Variants in AVEN observed in about 807,000 individuals in gnomAD.
The protein encoded by AVEN is cell death regulator Aven.
Under a neutral mutation model 38.1 loss-of-function variants are expected in AVEN, and 41 were observed. That is an observed-to-expected ratio of 1.08 (90% CI 0.84 to 1.40). AVEN has a LOEUF of 1.40. Ranked by LOEUF, AVEN falls within the 40% of genes most tolerant of loss-of-function variation. The pLI is 0.00. For missense variants in AVEN, 605 were observed against 438.8 expected, an observed-to-expected ratio of 1.38 and a Z score of -3.38; for synonymous variants, 206 against 171.8, an observed-to-expected ratio of 1.20 and a Z score of -1.56.
At chr15:33,853,327 T>C in the AVEN span, among the ~76,000 whole-genome samples, 2 of 152,206 alleles carry the variant, frequency 1.3e-5, no homozygotes, top group Non-Finnish European at 2.9e-5. Flanking sequence ...GTAGATGTTT[T>C]CTCCCCTGCA....
chr15:34,056,007 C>A (rs1900132870), intron 5 of AVEN, among the ~76,000 whole-genome samples: 1 of 152,048 alleles, frequency 6.6e-6, no homozygotes, highest in Non-Finnish European at 1.5e-5. Flanking sequence ...TGTGAGCCAC[C>A]ACACCCAGCC....
intron 5 of AVEN, among the ~76,000 whole-genome samples, chr15:34,053,721 A>G (rs1410554571): frequency 6.6e-6 from 1 of 152,188 alleles, no homozygotes; most frequent in Non-Finnish European, 1.5e-5. Flanking sequence ...AAAACTATAA[A>G]AACTCTAGAA....
At chr15:33,924,830 A>G (rs561844299) in intron 2 of AVEN, among the ~76,000 whole-genome samples, 3 of 152,350 alleles carry the variant, frequency 2.0e-5, no homozygotes, top group Admixed American at 2.0e-4. Context: ...TTGAAGAAAG[A>G]CATAGGTAAT....
intron 2 of AVEN, among the ~76,000 whole-genome samples, chr15:33,913,782 A>T (rs377270014): frequency 2.0e-5 from 3 of 152,342 alleles, no homozygotes; most frequent in African/African-American, 7.2e-5. Context: ...ACCACTTCTC[A>T]TTATACAAGA....
chr15:33,962,883 G>C (rs609097), intron 2 of AVEN, among the ~76,000 whole-genome samples: 140,409 of 145,840 alleles, frequency 0.96, 67,730 homozygotes, highest in Non-Finnish European at 1. Context: ...TCGCGCCACT[G>C]CACTCCAGCC....
At chr15:33,871,953 T>A (rs9302283) in intron 3 of AVEN, among the ~76,000 whole-genome samples, 10,243 of 152,220 alleles carry the variant, frequency 0.067, 498 homozygotes, top group African/African-American at 0.12. Flanking sequence ...TAAATCAGCA[T>A]TTTGTACATG....
chr15:33,872,794 C>T (rs1891036274), intron 3 of AVEN, among the ~76,000 whole-genome samples: 1 of 152,136 alleles, frequency 6.6e-6, no homozygotes, highest in African/African-American at 2.4e-5. Flanking sequence ...TCCCACTCAT[C>T]CTCTCTTTAC....
Position 33,964,658 on chromosome 15 carries a change from CATAAATGAA to C in AVEN, c.445+38365_445+38373del, listed in dbSNP as rs1387685591. On this transcript the variant is annotated intron_variant, in intron 2 of 5. Coordinates refer to ENST00000306730, the MANE Select transcript of AVEN (RefSeq NM_020371.3). The stretch of plus-strand genomic sequence containing the variant: ...AGTTTTAAAAAAAAATTTAATAGAA[CATAAATGAA>C]TAGTATTTTAAAACACATTGCTATT... 9.2e-5 allele frequency among the ~76,000 whole-genome samples: 14 copies of C among 152,166 alleles called. No homozygotes were observed. The East Asian group carries it at 2.5e-3, about 27-fold the overall frequency.
chr15:33,860,571 T>C (rs762857952), intron 11 of AVEN: 1 of 1,501,782 alleles, frequency 6.7e-7, no homozygotes, highest in Non-Finnish European at 9.1e-7. Context: ...ACAGATTGCT[T>C]TGTCTTTGTA....
chr15:33,868,368 A>C (rs1890786436), intron 4 of AVEN, among the ~76,000 whole-genome samples: 1 of 145,674 alleles, frequency 6.9e-6, no homozygotes, highest in Non-Finnish European at 1.5e-5. Flanking sequence ...CTAAACAAAC[A>C]AACAAACAAA....
At chr15:34,068,931 C>T (rs1417191180) in intron 2 of AVEN, among the ~76,000 whole-genome samples, 8 of 151,834 alleles carry the variant, frequency 5.3e-5, no homozygotes, top group Non-Finnish European at 1.2e-4. Context: ...CCTGCCTCAG[C>T]CTCCCCAGTA....
intron 5 of AVEN, among the ~76,000 whole-genome samples, chr15:34,052,330 A>G (rs1042761814): frequency 6.6e-6 from 1 of 151,948 alleles, no homozygotes; most frequent in Non-Finnish European, 1.5e-5. Flanking sequence ...TAAGCTAGGT[A>G]TTTAAAAAAC....
chr15:33,961,901 T>C (rs138186990), intron 2 of AVEN, among the ~76,000 whole-genome samples: 220 of 148,572 alleles, frequency 1.5e-3, no homozygotes, highest in African/African-American at 5.2e-3. Context: ...AACCAAGAAA[T>C]CTTTTTAGAA....
At chr15:34,025,772 T>C (rs1449997082) in intron 1 of AVEN, among the ~76,000 whole-genome samples, 1 of 151,732 alleles carries the variant, frequency 6.6e-6, no homozygotes, top group Non-Finnish European at 1.5e-5. Context: ...GTGTGTGTGT[T>C]TGTGTGTGTG....
intron 2 of AVEN, among the ~76,000 whole-genome samples, chr15:33,996,030 C>G (rs34926360): frequency 6.6e-6 from 1 of 151,932 alleles, no homozygotes; most frequent in African/African-American, 2.4e-5. Flanking sequence ...GGAGTATATC[C>G]CACACATGGC....
intron 3 of AVEN, among the ~76,000 whole-genome samples, chr15:33,875,685 G>A (rs532833718): frequency 1.3e-5 from 2 of 152,124 alleles, no homozygotes; most frequent in Non-Finnish European, 2.9e-5. Flanking sequence ...TTTCTACCTC[G>A]AGACCCCGTC....
chr15:33,865,068 C>G (rs1346773171), downstream of AVEN: 4 of 1,344,404 alleles, frequency 3.0e-6, no homozygotes, highest in Admixed American at 1.8e-5. Context: ...AGAACAAAAA[C>G]AAACTGGGTT....
chr15:33,918,458 CTTTTTTTTTTTT>C (rs33928063), intron 2 of AVEN, among the ~76,000 whole-genome samples: 6 of 84,484 alleles, frequency 7.1e-5, no homozygotes, highest in Non-Finnish European at 1.2e-4. Context: ...TAAATTACAG[CTTTTTTTTTTTT>C]TTTTTTTTTT....
chr15:33,879,410 G>C (rs1243001475), intron 2 of AVEN, among the ~76,000 whole-genome samples: 1 of 114,212 alleles, frequency 8.8e-6, no homozygotes, highest in African/African-American at 3.3e-5. Context: ...TGTGGGGTGG[G>C]GGGAGGGGGG....
Sources: allele counts gnomAD v4.1 joint callset (sites outside exome capture counted in the v4.1 genomes callset), GRCh38; gene constraint gnomAD v4.1.1; transcripts MANE v1.5; gene names NCBI Gene and HGNC (gene_info 2026-07-23, HGNC 2026-07-21).